Variants in ARID4B observed in about 807,000 individuals in gnomAD.
ARID4B encodes AT-rich interaction domain 4B, also known as AT-rich interactive domain-containing protein 4B.
In ARID4B, 26 loss-of-function variants were observed where a neutral mutation model predicts 147.5. The ratio of observed to expected loss-of-function variants is 0.18; its 90% CI spans 0.13 to 0.24. The LOEUF (loss-of-function observed/expected upper bound fraction) is 0.24, where lower values mean the gene tolerates loss of function less well. ARID4B is among the 10% of genes least tolerant of loss of function. ARID4B has a pLI of 1.00. For missense variants in ARID4B, 1,179 were observed against 1,511.5 expected, an observed-to-expected ratio of 0.78 and a Z score of 3.65; for synonymous variants, 512 against 507.9, an observed-to-expected ratio of 1.01 and a Z score of -0.11.
At chr1:235,205,064 G>A (rs962474651) in intron 17 of ARID4B, among the ~76,000 whole-genome samples, 2 of 152,076 alleles carry the variant, frequency 1.3e-5, no homozygotes, top group African/African-American at 4.8e-5. Flanking sequence ...CTGTACTATA[G>A]AAACAACGCA....
chr1:235,229,112 G>T, intron 11 of ARID4B, 119 bp downstream of exon 11: 1 of 1,179,538 alleles, frequency 8.5e-7, no homozygotes, highest in Non-Finnish European at 1.2e-6. Flanking sequence ...ACAAGATTAT[G>T]AAATATTTCT....
At chr1:235,222,676 A>ATTT in intron 13 of ARID4B, among the ~76,000 whole-genome samples, 1 of 132,062 alleles carries the variant, frequency 7.6e-6, no homozygotes, top group Admixed American at 8.3e-5. Flanking sequence ...ATGAAAAAAA[A>ATTT]TCTTTTTTTT....
intron 2 of ARID4B, among the ~76,000 whole-genome samples, chr1:235,265,129 G>C (rs1305354711): frequency 6.6e-6 from 1 of 151,452 alleles, no homozygotes; most frequent in South Asian, 2.1e-4. Context: ...ACTTTGGGAG[G>C]CTGAGGCAGG....
At chr1:235,268,321 T>G (rs1441072037) in intron 2 of ARID4B, among the ~76,000 whole-genome samples, 2 of 151,904 alleles carry the variant, frequency 1.3e-5, no homozygotes, top group East Asian at 3.9e-4. Context: ...AATTGGAAAT[T>G]TGGTTTGAAT....
At chr1:235,227,853 G>A (rs978227768) in intron 11 of ARID4B, among the ~76,000 whole-genome samples, 3 of 118,198 alleles carry the variant, frequency 2.5e-5, no homozygotes, top group Non-Finnish European at 4.8e-5. Flanking sequence ...TTTTTTTTGA[G>A]ACGGGGTCTC....
At chr1:235,321,301 G>C (rs1231346733) in intron 2 of ARID4B, among the ~76,000 whole-genome samples, 1 of 152,054 alleles carries the variant, frequency 6.6e-6, no homozygotes, top group Non-Finnish European at 1.5e-5. Flanking sequence ...CCATGTTATG[G>C]ATCTTAAATC....
intron 2 of ARID4B, among the ~76,000 whole-genome samples, chr1:235,264,284 A>G (rs1670464232): frequency 6.6e-6 from 1 of 152,240 alleles, no homozygotes; most frequent in Non-Finnish European, 1.5e-5. Flanking sequence ...GTTTTGAGAC[A>G]TATATAATCA....
At chr1:235,181,502 T>A in intron 20 of ARID4B, 83 bp downstream of exon 20, 1 of 1,494,232 alleles carries the variant, frequency 6.7e-7, no homozygotes, top group Non-Finnish European at 8.9e-7. Flanking sequence ...CGCCTCAGGT[T>A]ATAACAAGAG....
At chr1:235,275,020 T>C (rs12403167) in intron 2 of ARID4B, among the ~76,000 whole-genome samples, 41,092 of 148,582 alleles carry the variant, frequency 0.28, 6,839 homozygotes, top group South Asian at 0.52. Context: ...TGTGTGTGTG[T>C]GTGCACGCGC....
At chr1:235,209,827 G>A (rs1666596606) in intron 17 of ARID4B, among the ~76,000 whole-genome samples, 1 of 152,142 alleles carries the variant, frequency 6.6e-6, no homozygotes, top group South Asian at 2.1e-4. Flanking sequence ...GCCTCCCAAA[G>A]TGCTGGGATT....
intron 2 of ARID4B, among the ~76,000 whole-genome samples, chr1:235,302,175 A>C (rs1336908294): frequency 3.4e-5 from 5 of 146,380 alleles, no homozygotes; most frequent in East Asian, 3.9e-4. Context: ...AAAAAAAAAA[A>C]AACAGCAAAA....
intron 17 of ARID4B, among the ~76,000 whole-genome samples, chr1:235,205,203 A>G (rs974212632): frequency 3.3e-5 from 5 of 152,194 alleles, no homozygotes; most frequent in African/African-American, 1.2e-4. Flanking sequence ...CAAGTACAGC[A>G]GGGATCAGAT....
At position 235,182,701 on chromosome 1, in the gene ARID4B, G is replaced by T; in HGVS notation, c.2218C>A (p.His740Asn). ...NNGKEESKID[H>N]LTNNRNDLIS... ...AGATCATTTCTGTTGTTGGTCAAAT[G>T]ATCAATCTTAGATTCCTCTTTGCCA... Residue 740 changes from histidine (H) to asparagine (N), a missense_variant, in exon 20 of 24, where the codon CAT becomes AAT. By Grantham distance (68) the His-to-Asn change is moderately conservative. This residue lies in a region of ARID4B where 321 missense variants were observed against 342.4 expected (regional missense o/e 0.94). Transcript: ENST00000264183. 1 of 1,613,670 alleles carries T rather than the reference G, an allele frequency of 6.2e-7. No homozygotes were observed. Among genetic ancestry groups the T allele is most frequent in the Non-Finnish European group, 8.5e-7 (1 of 1,179,966 alleles).
chr1:235,264,685 T>C (rs1670490348), intron 2 of ARID4B, among the ~76,000 whole-genome samples: 1 of 152,240 alleles, frequency 6.6e-6, no homozygotes. Context: ...AAACACTTGA[T>C]GTGGACAAAC....
chr1:235,293,836 T>C (rs1300734207), intron 2 of ARID4B, among the ~76,000 whole-genome samples: 1 of 152,218 alleles, frequency 6.6e-6, no homozygotes, highest in Non-Finnish European at 1.5e-5. Flanking sequence ...ACCAGACTTT[T>C]AGGAAAAGAT....
intron 14 of ARID4B, among the ~76,000 whole-genome samples, chr1:235,221,285 C>G (rs1269049009): frequency 6.6e-6 from 1 of 152,218 alleles, no homozygotes; most frequent in Non-Finnish European, 1.5e-5. Context: ...ATTGGCAGAA[C>G]TAGGATTCAA....
intron 8 of ARID4B, among the ~76,000 whole-genome samples, chr1:235,237,391 A>G (rs957157758): frequency 6.6e-6 from 1 of 152,190 alleles, no homozygotes; most frequent in African/African-American, 2.4e-5. Flanking sequence ...ACATATAGGT[A>G]TCCACTAAAT....
chr1:235,203,717 A>C (rs1172705391), intron 17 of ARID4B, among the ~76,000 whole-genome samples: 1 of 152,276 alleles, frequency 6.6e-6, no homozygotes, highest in Non-Finnish European at 1.5e-5. Context: ...CCTCACATCT[A>C]AAGTGGAAAT....
intron 2 of ARID4B, among the ~76,000 whole-genome samples, chr1:235,270,054 C>T (rs1039184405): frequency 1.1e-4 from 17 of 152,072 alleles, no homozygotes; most frequent in African/African-American, 4.1e-4. Flanking sequence ...GAGGCCGAGG[C>T]GGACAGATCA....
Sources: gnomAD v4.1 joint callset for allele counts (sites outside exome capture counted in the v4.1 genomes callset) on GRCh38, gnomAD v4.1.1 for gene constraint, gnomAD v4.1.1 regional missense constraint, MANE v1.5 for transcripts, NCBI Gene and HGNC (gene_info 2026-07-23, HGNC 2026-07-21) for gene names.